Variants in STS observed in about 807,000 individuals in gnomAD.
STS encodes steryl-sulfatase.
In STS, 7 loss-of-function variants were observed where a neutral mutation model predicts 26.8. The ratio of observed to expected loss-of-function variants is 0.26; its 90% CI spans 0.15 to 0.49. The LOEUF is 0.49. STS is among the 20% of genes least tolerant of loss of function. The probability of loss-of-function intolerance (pLI) is 0.98; values close to 1 mark genes in which losing one functional copy is unlikely to be tolerated. For synonymous variants in STS, 199 were observed against 189.4 expected, an observed-to-expected ratio of 1.05 and a Z score of -0.42; for missense variants, 434 against 465.6, an observed-to-expected ratio of 0.93 and a Z score of 0.63.
At chrX:7,336,239 G>GGGGC (rs1555968793) in intron 10 of STS, among the ~76,000 whole-genome samples, 2 of 88,765 alleles carry the variant, frequency 2.3e-5, no homozygotes, top group East Asian at 7.8e-4. Context: ...ACCTAGGACT[G>GGGGC]CCCCCCCCAC....
At chrX:7,269,001 A>G (rs1924142958) in intron 6 of STS, among the ~76,000 whole-genome samples, 1 of 107,697 alleles carries the variant, frequency 9.3e-6, no homozygotes, top group Admixed American at 1.0e-4. Context: ...ATCAGGAAGT[A>G]TTAGCTCGGC....
chrX:7,149,343 A>G (rs1232187795), intron 1 of STS, among the ~76,000 whole-genome samples: 2 of 112,236 alleles, frequency 1.8e-5, no homozygotes, highest in Non-Finnish European at 3.8e-5. Flanking sequence ...ATTATTATCT[A>G]TGATAGACAA....
At chrX:7,202,272 T>C (rs1233961908) in intron 2 of STS, among the ~76,000 whole-genome samples, 2 of 111,938 alleles carry the variant, frequency 1.8e-5, no homozygotes, top group African/African-American at 6.5e-5. Flanking sequence ...GAGAGCGTTC[T>C]TGGAGTATCT....
chrX:7,257,432 C>T (rs750245144), intron 4 of STS, 34 bp from the exon 5 acceptor site: 16 of 1,211,002 alleles, frequency 1.3e-5, no homozygotes, highest in Non-Finnish European at 1.8e-5. Flanking sequence ...GAGGTATCTC[C>T]TGGTTCCTAA....
intron 7 of STS, among the ~76,000 whole-genome samples, chrX:7,277,563 G>A (rs1395092715): frequency 9.0e-6 from 1 of 111,445 alleles, no homozygotes; most frequent in Non-Finnish European, 1.9e-5. Flanking sequence ...TGTGAACTTG[G>A]GAGATGTTTT....
At chrX:7,332,416 A>G (rs1355076916) in intron 9 of STS, among the ~76,000 whole-genome samples, 2 of 109,347 alleles carry the variant, frequency 1.8e-5, no homozygotes, top group African/African-American at 6.7e-5. Context: ...CACATGATGA[A>G]TTTTGTTGGC....
At chrX:7,321,902 A>C (rs185893087) in intron 8 of STS, among the ~76,000 whole-genome samples, 5 of 111,969 alleles carry the variant, frequency 4.5e-5, no homozygotes, top group Non-Finnish European at 7.5e-5. Context: ...TCACCTGCCC[A>C]GCTGGAGTGA....
At chrX:7,194,636 C>T (rs1716754432) in intron 2 of STS, among the ~76,000 whole-genome samples, 1 of 111,426 alleles carries the variant, frequency 9.0e-6, no homozygotes, top group South Asian at 3.7e-4. Flanking sequence ...AAAATCCTCC[C>T]GTAGTTGACC....
chrX:7,250,949 A>G (rs1292344680), intron 2 of STS, among the ~76,000 whole-genome samples: 1 of 112,643 alleles, frequency 8.9e-6, no homozygotes, highest in East Asian at 2.8e-4. Flanking sequence ...AGGCCAGGAA[A>G]TATGTTTAGT....
chrX:7,320,652 A>T (rs1450379603), intron 8 of STS, among the ~76,000 whole-genome samples: 1 of 111,972 alleles, frequency 8.9e-6, no homozygotes, highest in Non-Finnish European at 1.9e-5. Flanking sequence ...AAAACTAGAC[A>T]GTAATTCACA....
intron 6 of STS, among the ~76,000 whole-genome samples, chrX:7,260,788 G>A (rs927208156): frequency 8.9e-6 from 1 of 111,893 alleles, no homozygotes; most frequent in East Asian, 2.8e-4. Context: ...GGTTGTCCTT[G>A]TGATATAAAC....
rs776732151 is a variant in STS, at chrX:7,212,799, T to A, written c.-5+21791T>A. On this transcript the variant is annotated intron_variant, in intron 2 of 10. Coordinates refer to ENST00000674429, the MANE Select transcript of STS (RefSeq NM_001320752.2). Reference sequence around the variant, plus strand: ...AATTTGCTTGATTAAATTGTAATAATGAAATTAAATTTTATGCTTGCTGTG... The same window carrying A: ...AATTTGCTTGATTAAATTGTAATAAAGAAATTAAATTTTATGCTTGCTGTG... Among the ~76,000 whole-genome samples, 5 of 112,476 alleles carry A rather than the reference T, an allele frequency of 4.4e-5. No homozygotes were observed. The South Asian group carries it at 1.9e-3, about 42-fold the overall frequency.
chrX:7,285,598 T>G (rs941127738), intron 7 of STS, among the ~76,000 whole-genome samples: 1 of 111,950 alleles, frequency 8.9e-6, no homozygotes, highest in Non-Finnish European at 1.9e-5. Context: ...GATAGAAAGA[T>G]AAATATCAGA....
In STS at chrX:7,353,309, C is replaced by G. The variant is rs1462358185; in HGVS notation, c.*3048C>G. ...CCGATTATTACCCATAAGGCACACT[C>G]TCTAAGGCCTTTTAAGGGGCCTACA... On this transcript the variant is annotated 3_prime_UTR_variant, in exon 11 of 11. Transcript: ENST00000674429. 9.0e-6 allele frequency: 1 copy of G among 110,990 alleles called. No individual in the cohort carries two copies. The highest frequency in any genetic ancestry group is 3.3e-5 in the African/African-American group (1 of 30,536). 9.1% of individuals were successfully genotyped at this position (110,990 alleles called of 1,213,427 possible).
rs185847255 is a variant in STS, at chrX:7,323,616, A to G, written c.1082-1723A>G. ...ATATGTGCCACATTTTCTTTATCCAATCCCTGTCGATGGGCACCTGGATTA... is the reference window on the plus strand; with the variant it reads ...ATATGTGCCACATTTTCTTTATCCAGTCCCTGTCGATGGGCACCTGGATTA... On this transcript the variant is annotated intron_variant, in intron 8 of 10. Coordinates refer to ENST00000674429, the MANE Select transcript of STS (RefSeq NM_001320752.2). Among the ~76,000 whole-genome samples, 6 of 111,867 alleles carry G rather than the reference A, an allele frequency of 5.4e-5. 1 individual carries two copies. The highest frequency in any genetic ancestry group is 1.9e-4 in the African/African-American group (6 of 30,829).
At chrX:7,217,241 G>C (rs1253611871) in intron 2 of STS, among the ~76,000 whole-genome samples, 1 of 111,294 alleles carries the variant, frequency 9.0e-6, no homozygotes, top group Admixed American at 9.5e-5. Flanking sequence ...ACAGATGGAG[G>C]GGGGGTCCAG....
At chrX:7,275,281 G>A (rs1924473944) in intron 6 of STS, among the ~76,000 whole-genome samples, 1 of 111,621 alleles carries the variant, frequency 9.0e-6, no homozygotes, top group African/African-American at 3.3e-5. Flanking sequence ...AAATTGCTGA[G>A]AGAGTAGATT....
chrX:7,199,887 AT>A (rs1342001138), intron 2 of STS, among the ~76,000 whole-genome samples: 2 of 102,566 alleles, frequency 1.9e-5, no homozygotes, highest in South Asian at 4.3e-4. Flanking sequence ...AAAAAAAAAA[AT>A]AAATTACCTA....
intron 5 of STS, among the ~76,000 whole-genome samples, chrX:7,258,420 A>G (rs1923555858): frequency 8.9e-6 from 1 of 111,863 alleles, no homozygotes; most frequent in African/African-American, 3.2e-5. Flanking sequence ...AGACATATAC[A>G]TAGAAAGAAT....
Sources: allele counts gnomAD v4.1 joint callset (sites outside exome capture counted in the v4.1 genomes callset), GRCh38; gene constraint gnomAD v4.1.1; transcripts MANE v1.5; gene names NCBI Gene and HGNC (gene_info 2026-07-23, HGNC 2026-07-21).